NRXN1: variants seen among roughly 807,000 people sequenced by gnomAD.
NRXN1 encodes the protein neurexin-1.
Under a neutral mutation model 150.9 loss-of-function variants are expected in NRXN1, and 39 were observed. That is an observed-to-expected ratio of 0.26 (90% CI 0.20 to 0.34). The LOEUF is 0.34. NRXN1 is among the 10% of genes least tolerant of loss of function. The pLI is 1.00. For missense variants in NRXN1, 1,815 were observed against 1,949.9 expected (o/e 0.93, Z 1.30); for synonymous variants, 924 against 757.0 (o/e 1.22, Z -3.62).
At chr2:50,321,725 T>C (rs2076053774) in intron 17 of NRXN1, among the ~76,000 whole-genome samples, 1 of 152,114 alleles carries the variant, frequency 6.6e-6, no homozygotes, top group South Asian at 2.1e-4. Context: ...TAACTTCACT[T>C]TTCATTAGAT....
chr2:50,037,876 C>T (rs1478358847), intron 21 of NRXN1, among the ~76,000 whole-genome samples: 1 of 152,172 alleles, frequency 6.6e-6, no homozygotes, highest in Admixed American at 6.5e-5. Flanking sequence ...AATTCAGAAA[C>T]ACTGACTCCA....
intron 17 of NRXN1, among the ~76,000 whole-genome samples, chr2:50,378,006 T>C (rs77733843): frequency 0.09 from 13,727 of 152,180 alleles, 846 homozygotes; most frequent in Non-Finnish European, 0.13. Context: ...TCTCTGACTC[T>C]AGGCATCTGC....
intron 13 of NRXN1, among the ~76,000 whole-genome samples, chr2:50,505,941 C>T (rs1470774593): frequency 2.6e-5 from 4 of 152,098 alleles, no homozygotes; most frequent in African/African-American, 9.7e-5. Context: ...GGTGGACCTG[C>T]ATACAGCTCA....
Position 50,094,172 on chromosome 2 carries a change from G to T in NRXN1, c.3547-2678C>A, listed in dbSNP as rs370962685. Among the ~76,000 whole-genome samples, 165 of 152,310 alleles carry T rather than the reference G, an allele frequency of 1.1e-3. 3 individuals carry two copies. The South Asian group carries it at 0.033, about 30-fold the overall frequency. On this transcript the variant is annotated intron_variant, in intron 18 of 22. Transcript: ENST00000401669. Reference sequence around the variant, plus strand: ...TTTTTGTTTCAGTTTCAGCTGAGATGTTAACATGATAACATAATAAGTCAA... The same window carrying T: ...TTTTTGTTTCAGTTTCAGCTGAGATTTTAACATGATAACATAATAAGTCAA...
chr2:50,529,704 T>C lies in NRXN1; in HGVS notation c.2348-1053A>G, dbSNP rs535109804. Among the ~76,000 whole-genome samples, 9 of 152,330 alleles carry C rather than the reference T, an allele frequency of 5.9e-5. No homozygotes were observed. The South Asian group carries it at 1.7e-3, about 28-fold the overall frequency. On this transcript the variant is annotated intron_variant, in intron 11 of 22. Transcript: ENST00000401669. ...CACCTCTTTCTACAGAATGCTTTGC[T>C]GTTCGAAAATTCTCATGAGTGTTTC...
rs531715136 is a variant in NRXN1 at position 50,006,630 on chromosome 2, T to C, written c.4128+46641A>G. Among the ~76,000 whole-genome samples the C allele has an allele frequency of 2.6e-5, 4 of 152,296 alleles. No homozygotes were observed. The South Asian group carries it at 8.3e-4, about 32-fold the overall frequency. On this transcript the variant is annotated intron_variant, in intron 21 of 22. Coordinates refer to ENST00000401669, the MANE Select transcript of NRXN1 (RefSeq NM_001330078.2). ...TTTTCCTCAACATTGCCTGTTGATA[T>C]ACCCACCTTTAAAGAAACAAATGAA...
intron 17 of NRXN1, among the ~76,000 whole-genome samples, chr2:50,370,676 G>A (rs1453668961): frequency 6.6e-6 from 1 of 151,936 alleles, no homozygotes; most frequent in African/African-American, 2.4e-5. Context: ...ATGTTAAGGA[G>A]TAGAAAGGGA....
intron 21 of NRXN1, among the ~76,000 whole-genome samples, chr2:49,981,926 T>G (rs1680056441): frequency 6.6e-6 from 1 of 152,096 alleles, no homozygotes; most frequent in Admixed American, 6.6e-5. Context: ...ATGCAAAGTG[T>G]CTGGACCCAC....
chr2:50,977,538 A>C (rs1041832699), intron 2 of NRXN1, among the ~76,000 whole-genome samples: 5 of 151,956 alleles, frequency 3.3e-5, no homozygotes, highest in African/African-American at 1.2e-4. Context: ...AAACACTACA[A>C]GTTTAAATGA....
chr2:50,894,506 G>C (rs1350831294), intron 5 of NRXN1, among the ~76,000 whole-genome samples: 1 of 151,722 alleles, frequency 6.6e-6, no homozygotes, highest in Admixed American at 6.6e-5. Context: ...CATAAACGCA[G>C]AACACTTAAT....
At chr2:50,388,353 G>T (rs1405464831) in intron 17 of NRXN1, among the ~76,000 whole-genome samples, 1 of 152,090 alleles carries the variant, frequency 6.6e-6, no homozygotes, top group Non-Finnish European at 1.5e-5. Flanking sequence ...TATGATTCTA[G>T]TTCTAATCTC....
chr2:50,729,564 G>C (rs1414765815), intron 5 of NRXN1, among the ~76,000 whole-genome samples: 1 of 152,196 alleles, frequency 6.6e-6, no homozygotes, highest in Non-Finnish European at 1.5e-5. Flanking sequence ...TCTGAGGGTA[G>C]TTGATATGGC....
At chr2:50,376,588 T>C (rs989960028) in intron 17 of NRXN1, among the ~76,000 whole-genome samples, 1 of 152,130 alleles carries the variant, frequency 6.6e-6, no homozygotes, top group African/African-American at 2.4e-5. Context: ...TATGAGCAAA[T>C]ATATTTTTCC....
intron 5 of NRXN1, among the ~76,000 whole-genome samples, chr2:50,794,117 T>C (rs1177671392): frequency 6.6e-6 from 1 of 152,114 alleles, no homozygotes; most frequent in South Asian, 2.1e-4. Flanking sequence ...TCTGAGGCTG[T>C]GAAACCTTGG....
At chr2:50,614,528 C>T (rs1172495579) in intron 8 of NRXN1, among the ~76,000 whole-genome samples, 3 of 151,110 alleles carry the variant, frequency 2.0e-5, no homozygotes, top group African/African-American at 7.3e-5. Context: ...AGGAGATATA[C>T]CTAATGTAAA....
chr2:50,393,180 T>C (rs867349298), intron 17 of NRXN1, among the ~76,000 whole-genome samples: 1 of 151,260 alleles, frequency 6.6e-6, no homozygotes, highest in African/African-American at 2.4e-5. Flanking sequence ...AAAAAAATAA[T>C]AATAAAACAT....
intron 21 of NRXN1, among the ~76,000 whole-genome samples, chr2:50,010,486 A>G (rs562434378): frequency 1.8e-4 from 27 of 152,298 alleles, no homozygotes; most frequent in African/African-American, 6.3e-4. Flanking sequence ...TGGTAGAGCT[A>G]GCCTTTTGCA....
intron 5 of NRXN1, among the ~76,000 whole-genome samples, chr2:50,767,562 G>C (rs1192418090): frequency 6.6e-6 from 1 of 152,040 alleles, no homozygotes; most frequent in Non-Finnish European, 1.5e-5. Context: ...AAGGGACTGA[G>C]GATGCAAATA....
chr2:50,263,174 ACACACACACAC>A (rs2068482042), intron 17 of NRXN1, among the ~76,000 whole-genome samples: 1 of 150,666 alleles, frequency 6.6e-6, no homozygotes, highest in East Asian at 1.9e-4. Flanking sequence ...ACACACACAC[ACACACACACAC>A]ACACACACAT....
Sources: gnomAD v4.1 joint callset for allele counts (sites outside exome capture counted in the v4.1 genomes callset) on GRCh38, gnomAD v4.1.1 for gene constraint, MANE v1.5 for transcripts, NCBI Gene and HGNC (gene_info 2026-07-23, HGNC 2026-07-21) for gene names.